Variants in SCARB1 observed in about 807,000 individuals in gnomAD.
SCARB1 encodes CD36 and LIMPII analogous 1.
Under a neutral mutation model 57.2 loss-of-function variants are expected in SCARB1, and 30 were observed. That is an observed-to-expected ratio of 0.52 (90% CI 0.39 to 0.71). SCARB1 has a LOEUF of 0.71. SCARB1 is among the 30% of genes least tolerant of loss of function. The probability of loss-of-function intolerance (pLI) is 0.00; values close to 1 mark genes in which losing one functional copy is unlikely to be tolerated. For synonymous variants in SCARB1, 249 were observed against 268.3 expected (o/e 0.93, Z 0.70); for missense variants, 543 against 671.2 (o/e 0.81, Z 2.11).
In SCARB1 at chr12:124,796,587, C is replaced by T. The variant is rs1302419308; in HGVS notation, c.1129-1319G>A. Among the ~76,000 whole-genome samples the T allele has an allele frequency of 1.3e-5, 2 of 152,160 alleles. No individual in the cohort carries two copies. Among genetic ancestry groups the T allele is most frequent in the East Asian group, 1.9e-4 (1 of 5,200 alleles). On this transcript the variant is annotated intron_variant, in intron 8 of 12. Coordinates refer to ENST00000261693, the MANE Select transcript of SCARB1 (RefSeq NM_005505.5). The surrounding 1 kb of genome is among the most constrained non-coding windows in gnomAD (Gnocchi z 4.0). The stretch of plus-strand genomic sequence containing the variant: ...ATCTGTAAAACAGAGAGAACTCTCC[C>T]GACCTGACAGAATTTTTGCAAGAGC...
chr12:124,851,281 C>T (rs917226918), intron 1 of SCARB1, among the ~76,000 whole-genome samples: 3 of 152,100 alleles, frequency 2.0e-5, no homozygotes, highest in African/African-American at 7.2e-5. Context: ...GAGACTGGGG[C>T]GTACATATAA....
rs1950566502 is a variant in SCARB1 at position 124,812,537 on chromosome 12, G to A, written c.631-572C>T. Among the ~76,000 whole-genome samples the A allele has an allele frequency of 6.6e-6, 1 of 152,234 alleles. No individual in the cohort carries two copies. Among genetic ancestry groups the A allele is most frequent in the African/African-American group, 2.4e-5 (1 of 41,462 alleles). On this transcript the variant is annotated intron_variant, in intron 4 of 12. Coordinates refer to ENST00000261693, the MANE Select transcript of SCARB1 (RefSeq NM_005505.5). The surrounding 1 kb of genome is among the most constrained non-coding windows in gnomAD (Gnocchi z 4.3). ...TGTTCTAAGCCATGGAGATTCCGGG[G>A]CTGCTTGTCACAGCAGCAAAACCTG... is the stretch of plus-strand genomic sequence containing the variant.
At chr12:124,840,234 T>C (rs1376164097) in intron 1 of SCARB1, among the ~76,000 whole-genome samples, 1 of 151,454 alleles carries the variant, frequency 6.6e-6, no homozygotes, top group Non-Finnish European at 1.5e-5. Context: ...CAGGCTGGAG[T>C]ACAGTCTTGG....
In SCARB1 at chr12:124,807,351, T is replaced by C. The variant is rs900312736; in HGVS notation, c.1009+410A>G. ...GACAGAGTGGATCAGAAGGATGCCATGTTGCTGGCCTCAAAGGTGGAGGAA... is the reference window on the plus strand; with the variant it reads ...GACAGAGTGGATCAGAAGGATGCCACGTTGCTGGCCTCAAAGGTGGAGGAA... On this transcript the variant is annotated intron_variant, in intron 7 of 12. Transcript: ENST00000261693. This position sits in a 1 kb window ranked among gnomAD's most constrained non-coding sequence, Gnocchi z 5.3. 2.2e-4 allele frequency among the ~76,000 whole-genome samples: 33 copies of C among 152,000 alleles called. No individual in the cohort carries two copies. The highest frequency in any genetic ancestry group is 8.0e-4 in the African/African-American group (33 of 41,358).
rs5801571 is a variant in SCARB1, at chr12:124,794,978, TG to T, written c.1202+216del. Reference sequence around the variant, plus strand: ...AAAAAGAGAAAGAAAAGTGGTGTTCTGGGGAAGGAATATCAGGATGCAGGTC... The same window carrying T: ...AAAAAGAGAAAGAAAAGTGGTGTTCTGGGAAGGAATATCAGGATGCAGGTC... On this transcript the variant is annotated intron_variant, in intron 9 of 12. Transcript: ENST00000261693. Among the ~76,000 whole-genome samples, 18,992 of 152,032 alleles carry T rather than the reference TG, an allele frequency of 0.12. 2,270 individuals carry two copies. Among genetic ancestry groups the T allele is most frequent in the East Asian group, 0.39 (1,983 of 5,126 alleles).
intron 1 of SCARB1, among the ~76,000 whole-genome samples, chr12:124,829,315 C>T (rs1055862656): frequency 7.2e-5 from 11 of 152,234 alleles, no homozygotes; most frequent in African/African-American, 2.6e-4. Flanking sequence ...GGATGGGTGC[C>T]GTAGTTTCCC....
chr12:124,785,983 C>T, intron 11 of SCARB1: 2 of 1,313,514 alleles, frequency 1.5e-6, no homozygotes, highest in Admixed American at 2.6e-5. Flanking sequence ...TCCCCCTGAG[C>T]AGGGATCTCA....
At position 124,814,538 on chromosome 12, in the gene SCARB1, C is replaced by T. The variant is rs903214714; in HGVS notation, c.427-133G>A. 6 of 896,910 alleles carry T rather than the reference C, an allele frequency of 6.7e-6. No individual in the cohort carries two copies. The African/African-American group carries it at 9.9e-5, about 15-fold the overall frequency. 55.6% of individuals were successfully genotyped at this position (896,910 alleles called of 1,614,324 possible). On this transcript the variant is annotated intron_variant, in intron 3 of 12. Coordinates refer to ENST00000261693, the MANE Select transcript of SCARB1 (RefSeq NM_005505.5). The surrounding 1 kb of genome is among the most constrained non-coding windows in gnomAD (Gnocchi z 4.7). ...GTGCAGGAGGCCCCTGGAGTGGCCA[C>T]GTGGGGCATCTGGGACACCAGAACC... is the stretch of plus-strand genomic sequence containing the variant.
chr12:124,823,919 C>T (rs1461993300), intron 1 of SCARB1, among the ~76,000 whole-genome samples: 3 of 151,990 alleles, frequency 2.0e-5, no homozygotes, highest in Non-Finnish European at 4.4e-5. Context: ...AATCCCAGCA[C>T]TTTGGGAGGC....
At position 124,778,251 on chromosome 12, in the gene SCARB1, C is replaced by T; in HGVS notation, c.*336G>A. On this transcript the variant is annotated 3_prime_UTR_variant, in exon 13 of 13. Coordinates refer to ENST00000261693, the MANE Select transcript of SCARB1 (RefSeq NM_005505.5). ...GCTGAACGGGACAGGCCAGGCTCAC[C>T]CGAGGAAGGGGACGCAGGACCCACA... 2.4e-6 allele frequency: 1 copy of T among 412,634 alleles called. No individual in the cohort carries two copies. Among genetic ancestry groups the T allele is most frequent in the Non-Finnish European group, 4.1e-6 (1 of 241,354 alleles). 25.6% of individuals were successfully genotyped at this position (412,634 alleles called of 1,614,324 possible).
Position 124,817,561 on chromosome 12 carries a change from G to C in SCARB1, c.273C>G (p.Pro91=). 2 of 1,613,984 alleles carry C rather than the reference G, an allele frequency of 1.2e-6. No homozygotes were observed. Among genetic ancestry groups the C allele is most frequent in the Non-Finnish European group, 1.7e-6 (2 of 1,180,020 alleles). ...GEKPQVRERG[P]YVYREFRHKS... ...GGACACAGCCTCACCTGTACACGTA[G>C]GGCCCGCGCTCCCGCACCTGCGGCT... Residue 91 remains proline, a synonymous_variant, in exon 2 of 13, where the codon CCC becomes CCG. Coordinates refer to ENST00000261693, the MANE Select transcript of SCARB1 (RefSeq NM_005505.5). This position sits in a 1 kb window ranked among gnomAD's most constrained non-coding sequence, Gnocchi z 4.8.
chr12:124,787,126 T>C (rs1386892819), intron 10 of SCARB1, among the ~76,000 whole-genome samples: 1 of 152,236 alleles, frequency 6.6e-6, no homozygotes, highest in Non-Finnish European at 1.5e-5. Context: ...GAAGAGGTCA[T>C]ATGCCCCAAC....
chr12:124,839,632 A>G, intron 1 of SCARB1: 1 of 985,202 alleles, frequency 1.0e-6, no homozygotes. Flanking sequence ...CAGCAGCTGC[A>G]CCATCCTACA....
At chr12:124,837,050 G>C (rs1322274737) in intron 1 of SCARB1, among the ~76,000 whole-genome samples, 1 of 152,088 alleles carries the variant, frequency 6.6e-6, no homozygotes, top group Non-Finnish European at 1.5e-5. Flanking sequence ...CTGGTCCCCG[G>C]GCACAGAGAT....
intron 1 of SCARB1, among the ~76,000 whole-genome samples, chr12:124,858,172 T>A (rs1952717487): frequency 6.6e-6 from 1 of 152,166 alleles, no homozygotes; most frequent in Non-Finnish European, 1.5e-5. Context: ...CGTGCACACA[T>A]GCACGCACAC....
intron 7 of SCARB1, among the ~76,000 whole-genome samples, chr12:124,801,708 C>T (rs10846735): frequency 4.6e-5 from 7 of 150,918 alleles, no homozygotes; most frequent in African/African-American, 1.7e-4. Flanking sequence ...TGAACCTGGG[C>T]GGCAGAGGTT....
chr12:124,842,284 G>C (rs571469026), intron 1 of SCARB1, among the ~76,000 whole-genome samples: 48 of 152,310 alleles, frequency 3.2e-4, no homozygotes, highest in African/African-American at 1.0e-3. Flanking sequence ...GGCCTCTAAG[G>C]CTCCAATGGC....
intron 1 of SCARB1, among the ~76,000 whole-genome samples, chr12:124,841,213 T>C (rs1417951443): frequency 1.3e-5 from 2 of 151,414 alleles, no homozygotes; most frequent in East Asian, 2.0e-4. Context: ...CTACTAAAAA[T>C]ACAAAAAAAT....
Position 124,800,259 on chromosome 12 carries a change from GAGGGGACATCAGACA to G in SCARB1, c.1010-32_1010-18del. 6.4e-7 allele frequency: 1 copy of G among 1,574,572 alleles called. No individual in the cohort carries two copies. Among genetic ancestry groups the G allele is most frequent in the Non-Finnish European group, 8.7e-7 (1 of 1,144,610 alleles). On this transcript the variant is annotated intron_variant, in intron 7 of 12. Transcript: ENST00000261693. This position sits in a 1 kb window ranked among gnomAD's most constrained non-coding sequence, Gnocchi z 4.8. ...AGGGGGCACCTAGAAGAGGGGCAGGGAGGGGACATCAGACAAGGACAGTATATTGGCAGGTCCTGC... is the reference window on the plus strand; with the variant it reads ...AGGGGGCACCTAGAAGAGGGGCAGGGAGGACAGTATATTGGCAGGTCCTGC...
Sources: gnomAD v4.1 joint callset for allele counts (sites outside exome capture counted in the v4.1 genomes callset) on GRCh38, gnomAD v4.1.1 for gene constraint, Gnocchi (gnomAD v3.1) non-coding constraint, MANE v1.5 for transcripts, NCBI Gene and HGNC (gene_info 2026-07-23, HGNC 2026-07-21) for gene names.